The following MDGA2 variants were observed in gnomAD, a reference collection of about 807,000 sequenced individuals.
MDGA2 encodes the protein MAM domain-containing glycosylphosphatidylinositol anchor protein 2.
In MDGA2, 40 loss-of-function variants were observed where a neutral mutation model predicts 117.8. The ratio of observed to expected loss-of-function variants is 0.34; its 90% CI spans 0.26 to 0.44. MDGA2 has a LOEUF of 0.44. Ranked by LOEUF, MDGA2 falls within the 20% of genes least tolerant of loss-of-function variation. The pLI is 1.00. For synonymous variants in MDGA2, 452 were observed against 439.0 expected (o/e 1.03, Z -0.37); for missense variants, 1,123 against 1,250.6 (o/e 0.90, Z 1.54).
At chr14:46,950,568 T>A (rs377645796) in intron 9 of MDGA2, among the ~76,000 whole-genome samples, 2 of 152,004 alleles carry the variant, frequency 1.3e-5, no homozygotes, top group Non-Finnish European at 2.9e-5. Flanking sequence ...TCTGTTATCA[T>A]CATAAATAAA....
chr14:47,226,470 AT>A (rs1256526209), intron 2 of MDGA2, among the ~76,000 whole-genome samples: 1 of 152,034 alleles, frequency 6.6e-6, no homozygotes, highest in Non-Finnish European at 1.5e-5. Context: ...TTTTCTTTGA[AT>A]TTAACCTTTG....
At position 46,845,745 on chromosome 14, in the gene MDGA2, ATC is replaced by A. The variant is rs1566488244; in HGVS notation, c.2989+19_2989+20del. The A allele has an allele frequency of 1.3e-6, 2 of 1,486,582 alleles. No individual in the cohort carries two copies. The highest frequency in any genetic ancestry group is 1.9e-6 in the Non-Finnish European group (2 of 1,068,500). 92.1% of individuals were successfully genotyped at this position (1,486,582 alleles called of 1,614,324 possible). A position where few individuals can be genotyped will look rare whatever the true frequency, so the allele number is the denominator to read the frequency against. ...GTTACTTTAACGTTACAACAAACCA[ATC>A]TCAAGCAAAGATACTTACTCTTAGT... is the stretch of plus-strand genomic sequence containing the variant. On this transcript the variant is annotated intron_variant, in intron 16 of 16. Transcript: ENST00000399232.
chr14:47,335,386 C>T (rs1890412343), intron 1 of MDGA2, among the ~76,000 whole-genome samples: 1 of 150,698 alleles, frequency 6.6e-6, no homozygotes, highest in African/African-American at 2.4e-5. Flanking sequence ...TGGAGCAAAG[C>T]CTTGATGTAG....
At chr14:47,126,267 G>C (rs1881897328) in intron 5 of MDGA2, among the ~76,000 whole-genome samples, 1 of 151,974 alleles carries the variant, frequency 6.6e-6, no homozygotes, top group Admixed American at 6.6e-5. Flanking sequence ...CCAAATATGA[G>C]TAGGGAAACA....
intron 6 of MDGA2, among the ~76,000 whole-genome samples, chr14:47,062,633 C>A (rs1302402743): frequency 6.6e-6 from 1 of 151,598 alleles, no homozygotes; most frequent in African/African-American, 2.4e-5. Flanking sequence ...TAACATTAAG[C>A]CTAAATATGT....
chr14:47,264,779 T>C (rs1023746372), intron 2 of MDGA2, among the ~76,000 whole-genome samples: 1 of 152,064 alleles, frequency 6.6e-6, no homozygotes, highest in African/African-American at 2.4e-5. Flanking sequence ...CATGGTAGTA[T>C]ACACTTGCCA....
rs201639946 is a variant in MDGA2, at chr14:47,669,857, GA to G, written c.280+4659del. Among the ~76,000 whole-genome samples, 928 of 150,314 alleles carry G rather than the reference GA, an allele frequency of 6.2e-3. 12 individuals carry two copies. Among genetic ancestry groups the G allele is most frequent in the African/African-American group, 0.021 (874 of 40,972 alleles). On this transcript the variant is annotated intron_variant, in intron 1 of 16. Transcript: ENST00000399232. ...CACACGGCCTCTCCAAACCCAATCT[GA>G]AAAAAAAATCATAATCAATATACCT...
intron 1 of MDGA2, among the ~76,000 whole-genome samples, chr14:47,646,643 T>C (rs1000636120): frequency 2.0e-5 from 3 of 152,224 alleles, no homozygotes; most frequent in Non-Finnish European, 4.4e-5. Context: ...AGAATGCATA[T>C]GAAATACTTG....
chr14:47,519,308 A>G (rs1028221499), intron 1 of MDGA2, among the ~76,000 whole-genome samples: 25 of 152,262 alleles, frequency 1.6e-4, no homozygotes, highest in African/African-American at 6.0e-4. Context: ...GCATACCTAC[A>G]TTCTAATTTA....
intron 2 of MDGA2, among the ~76,000 whole-genome samples, chr14:47,293,092 A>G (rs183443996): frequency 6.6e-6 from 1 of 152,214 alleles, no homozygotes; most frequent in Admixed American, 6.5e-5. Flanking sequence ...GAGGACAGTC[A>G]CCCTGAGCTT....
intron 1 of MDGA2, among the ~76,000 whole-genome samples, chr14:47,319,200 C>A (rs1484266242): frequency 6.6e-6 from 1 of 152,080 alleles, no homozygotes; most frequent in South Asian, 2.1e-4. Flanking sequence ...TTATTCTGGA[C>A]TGGAACAGTA....
intron 1 of MDGA2, among the ~76,000 whole-genome samples, chr14:47,448,810 G>A (rs920069790): frequency 6.6e-6 from 1 of 152,120 alleles, no homozygotes; most frequent in Non-Finnish European, 1.5e-5. Flanking sequence ...ACTTGCAGCT[G>A]GCATCTGAAG....
intron 1 of MDGA2, among the ~76,000 whole-genome samples, chr14:47,308,412 T>A (rs909687901): frequency 1.3e-5 from 2 of 152,102 alleles, no homozygotes; most frequent in East Asian, 3.9e-4. Flanking sequence ...CACTACAATA[T>A]TATTTTCTAG....
At chr14:47,120,872 C>A (rs1566636456) in intron 5 of MDGA2, among the ~76,000 whole-genome samples, 1 of 152,132 alleles carries the variant, frequency 6.6e-6, no homozygotes, top group Non-Finnish European at 1.5e-5. Context: ...AAAAGCTCCA[C>A]GTAAACCAAT....
At chr14:47,214,473 G>C (rs1012648354) in intron 3 of MDGA2, among the ~76,000 whole-genome samples, 2 of 151,934 alleles carry the variant, frequency 1.3e-5, no homozygotes, top group African/African-American at 4.8e-5. Flanking sequence ...TTTTCAAACT[G>C]TATTCTTGAT....
At chr14:46,899,620 C>T (rs1883209447) in intron 10 of MDGA2, among the ~76,000 whole-genome samples, 1 of 151,270 alleles carries the variant, frequency 6.6e-6, no homozygotes, top group East Asian at 1.9e-4. Context: ...AAAACCTAGA[C>T]CAGCTGAGGA....
chr14:47,114,165 A>G (rs944751679), intron 5 of MDGA2, among the ~76,000 whole-genome samples: 22 of 152,152 alleles, frequency 1.4e-4, no homozygotes, highest in African/African-American at 5.1e-4. Context: ...CAACTGCTAC[A>G]AAGAGAATAA....
intron 7 of MDGA2, among the ~76,000 whole-genome samples, chr14:47,054,238 A>G (rs1056676235): frequency 6.6e-6 from 1 of 151,874 alleles, no homozygotes; most frequent in Non-Finnish European, 1.5e-5. Flanking sequence ...AATATTCCAA[A>G]CCTGTGGTGG....
At chr14:47,464,142 C>CACAA (rs1893549996) in intron 1 of MDGA2, among the ~76,000 whole-genome samples, 1 of 144,220 alleles carries the variant, frequency 6.9e-6, no homozygotes, top group African/African-American at 2.5e-5. Flanking sequence ...CACACACACA[C>CACAA]ACAGAGCCTC....
Sources: gnomAD v4.1 joint callset for allele counts (sites outside exome capture counted in the v4.1 genomes callset) on GRCh38, gnomAD v4.1.1 for gene constraint, MANE v1.5 for transcripts, NCBI Gene and HGNC (gene_info 2026-07-23, HGNC 2026-07-21) for gene names.